The following SGCD variants were observed in gnomAD, a reference collection of about 807,000 sequenced individuals.
The protein encoded by SGCD is sarcoglycan delta, also known as delta-sarcoglycan.
Under a neutral mutation model 36.6 loss-of-function variants are expected in SGCD, and 18 were observed. The ratio of observed to expected loss-of-function variants is 0.49; its 90% confidence interval spans 0.34 to 0.73. SGCD has a LOEUF of 0.73. Ranked by LOEUF, SGCD falls within the 30% of genes least tolerant of loss-of-function variation. The pLI is 0.01. For missense variants in SGCD, 387 were observed against 346.7 expected (o/e 1.12, Z -0.92); for synonymous variants, 133 against 130.6 (o/e 1.02, Z -0.12).
intron 3 of SGCD, among the ~76,000 whole-genome samples, chr5:156,416,641 G>A (rs1293975517): frequency 6.6e-6 from 1 of 152,126 alleles, no homozygotes; most frequent in African/African-American, 2.4e-5. Flanking sequence ...TTATATGTTG[G>A]GGATGAGTCA....
chr5:155,995,527 A>C (rs1467947601), intron 1 of SGCD, among the ~76,000 whole-genome samples: 1 of 152,200 alleles, frequency 6.6e-6, no homozygotes, highest in Admixed American at 6.5e-5. Flanking sequence ...GATTACATTT[A>C]AAAGCTAATA....
At chr5:155,956,203 C>T (rs1198017598) in intron 1 of SGCD, among the ~76,000 whole-genome samples, 6 of 149,712 alleles carry the variant, frequency 4.0e-5, no homozygotes, top group South Asian at 2.1e-4. Flanking sequence ...CTGAAGTATT[C>T]CTGCTCATGA....
intron 4 of SGCD, among the ~76,000 whole-genome samples, chr5:156,552,528 C>T (rs977103271): frequency 1.3e-5 from 2 of 152,090 alleles, no homozygotes; most frequent in East Asian, 1.9e-4. Context: ...TTATTAGAGG[C>T]GAGTCCAAAC....
At chr5:156,607,596 G>C (rs1253917015) in intron 6 of SGCD, among the ~76,000 whole-genome samples, 1 of 152,180 alleles carries the variant, frequency 6.6e-6, no homozygotes, top group Non-Finnish European at 1.5e-5. Context: ...TTTTTCTGTT[G>C]ATTGGAATAG....
chr5:155,977,303 T>C (rs1355570767), intron 1 of SGCD, among the ~76,000 whole-genome samples: 1 of 152,220 alleles, frequency 6.6e-6, no homozygotes, highest in Non-Finnish European at 1.5e-5. Context: ...CTAGACCCAC[T>C]GGTACTTACC....
At chr5:156,165,343 CT>C (rs987795459) in intron 3 of SGCD, among the ~76,000 whole-genome samples, 2 of 152,072 alleles carry the variant, frequency 1.3e-5, no homozygotes, top group Non-Finnish European at 2.9e-5. Flanking sequence ...GAAATCAAAA[CT>C]TTTAAAAAAT....
intron 3 of SGCD, among the ~76,000 whole-genome samples, chr5:156,483,830 G>A (rs1254796017): frequency 1.3e-5 from 2 of 152,198 alleles, no homozygotes; most frequent in Non-Finnish European, 2.9e-5. Flanking sequence ...GGGCATTCCC[G>A]CTAACATTCT....
At chr5:156,523,123 T>TCAGTA (rs1394201577) in intron 4 of SGCD, among the ~76,000 whole-genome samples, 14 of 152,186 alleles carry the variant, frequency 9.2e-5, no homozygotes, top group Non-Finnish European at 1.5e-4. Context: ...ATTTACTGAT[T>TCAGTA]GGGGCACTAA....
chr5:156,706,382 A>G (rs1040917695), intron 7 of SGCD, among the ~76,000 whole-genome samples: 3 of 152,030 alleles, frequency 2.0e-5, no homozygotes, highest in African/African-American at 7.2e-5. Flanking sequence ...CAATGCTTGT[A>G]TTTCCCCTGA....
intron 3 of SGCD, among the ~76,000 whole-genome samples, chr5:156,393,273 C>T (rs1201085179): frequency 6.6e-6 from 1 of 152,186 alleles, no homozygotes; most frequent in African/African-American, 2.4e-5. Flanking sequence ...TATTTATTTT[C>T]ACAAGAATCC....
In SGCD at chr5:156,237,149, AAAC is replaced by A. The variant is rs780964241; in HGVS notation, c.-43-92373_-43-92371del. 2.4e-4 allele frequency among the ~76,000 whole-genome samples: 36 copies of A among 152,072 alleles called. 1 individual carries two copies. Among genetic ancestry groups the A allele is most frequent in the Non-Finnish European group, 4.9e-4 (33 of 67,992 alleles). On this transcript the variant is annotated intron_variant, in intron 3 of 9. Transcript: ENST00000517913. ...TATGCCTGGCCTGAGCCAGAATTTT[AAAC>A]AACAACAACAAAAAATTTAAATTAA...
chr5:156,127,372 G>A (rs1762198452), intron 3 of SGCD, among the ~76,000 whole-genome samples: 1 of 152,138 alleles, frequency 6.6e-6, no homozygotes, highest in African/African-American at 2.4e-5. Flanking sequence ...GAGAGGCCAA[G>A]AGGAGAAGAT....
chr5:156,630,806 G>A (rs1363742), intron 6 of SGCD, among the ~76,000 whole-genome samples: 12,706 of 152,148 alleles, frequency 0.084, 686 homozygotes, highest in Non-Finnish European at 0.12. Flanking sequence ...GTGTTTATAG[G>A]CCCAAATGGC....
At chr5:155,743,145 A>G in the SGCD span, among the ~76,000 whole-genome samples, 1 of 152,124 alleles carries the variant, frequency 6.6e-6, no homozygotes, top group Admixed American at 6.5e-5. Flanking sequence ...ATCATTGTTC[A>G]TTGATGATCA....
At chr5:156,737,878 G>A (rs570185592) in intron 7 of SGCD, among the ~76,000 whole-genome samples, 1 of 152,118 alleles carries the variant, frequency 6.6e-6, no homozygotes, top group African/African-American at 2.4e-5. Flanking sequence ...TCCCCATCGC[G>A]AGTTAGTGGC....
chr5:156,673,985 GAATGC>G (rs1466694499), intron 7 of SGCD, among the ~76,000 whole-genome samples: 1 of 152,180 alleles, frequency 6.6e-6, no homozygotes, highest in African/African-American at 2.4e-5. Flanking sequence ...GGCCCTCATA[GAATGC>G]TCTTTGGGAA....
At chr5:156,245,089 G>A (rs1338180668) in intron 3 of SGCD, among the ~76,000 whole-genome samples, 1 of 152,180 alleles carries the variant, frequency 6.6e-6, no homozygotes, top group Non-Finnish European at 1.5e-5. Flanking sequence ...GCTAATGTGA[G>A]GAATAGGGAA....
intron 1 of SGCD, among the ~76,000 whole-genome samples, chr5:155,998,523 A>C (rs1308464240): frequency 6.6e-5 from 10 of 152,254 alleles, no homozygotes; most frequent in Non-Finnish European, 5.9e-5. Context: ...AAAAATGTGA[A>C]GAATTTTCAT....
chr5:155,834,924 T>C, the SGCD span, among the ~76,000 whole-genome samples: 1 of 150,446 alleles, frequency 6.6e-6, no homozygotes, highest in Non-Finnish European at 1.5e-5. Flanking sequence ...CAACCTCTGC[T>C]TCCCAGACTC....
Sources: gnomAD v4.1 joint callset for allele counts (sites outside exome capture counted in the v4.1 genomes callset) on GRCh38, gnomAD v4.1.1 for gene constraint, MANE v1.5 for transcripts, NCBI Gene and HGNC (gene_info 2026-07-23, HGNC 2026-07-21) for gene names.